DUSP13B: variants seen among roughly 807,000 people sequenced by gnomAD.
DUSP13B encodes the protein dual specificity protein phosphatase 13B.
the DUSP13B span, among the ~76,000 whole-genome samples, chr10:75,108,689 T>C: frequency 4.6e-5 from 7 of 152,246 alleles, no homozygotes; most frequent in African/African-American, 1.7e-4. Context: ...CAGGGGGCTC[T>C]CTGTCTACCT....
chr10:75,108,949 C>T, the DUSP13B span: 40 of 1,536,250 alleles, frequency 2.6e-5, no homozygotes, highest in Non-Finnish European at 3.2e-5. Context: ...TCTGGTAAAG[C>T]GACCAAGAAC....
At chr10:75,104,060 A>C in the DUSP13B span, 1 of 1,361,510 alleles carries the variant, frequency 7.3e-7, no homozygotes. Flanking sequence ...CAGGGTGGCA[A>C]AGTGGCAGAG....
the DUSP13B span, chr10:75,099,627 G>C: frequency 9.4e-7 from 1 of 1,065,948 alleles, no homozygotes. Flanking sequence ...GGGCCCTCCG[G>C]TCCCTCTAAA....
At chr10:75,101,119 G>A in the DUSP13B span, among the ~76,000 whole-genome samples, 1 of 152,192 alleles carries the variant, frequency 6.6e-6, no homozygotes. Context: ...GGTGGCGTGT[G>A]GCTGCCAGTG....
the DUSP13B span, chr10:75,107,887 A>AT: frequency 7.4e-7 from 1 of 1,349,480 alleles, no homozygotes; most frequent in East Asian, 2.5e-5. Context: ...TAAGCAGAGG[A>AT]TTTTTAAAAA....
the DUSP13B span, chr10:75,102,038 T>C: frequency 8.8e-7 from 1 of 1,131,270 alleles, no homozygotes; most frequent in East Asian, 5.1e-5. Flanking sequence ...ACTCCCAACT[T>C]GTCCACTGGT....
At chr10:75,097,683 T>C in the DUSP13B span, 1 of 1,521,254 alleles carries the variant, frequency 6.6e-7, no homozygotes, top group South Asian at 1.3e-5. Flanking sequence ...CCTTCCGCCA[T>C]CCCCACTCCT....
the DUSP13B span, chr10:75,108,223 G>T: frequency 1.3e-6 from 2 of 1,584,156 alleles, no homozygotes; most frequent in South Asian, 2.3e-5. Context: ...GGGAGGGCAG[G>T]AAGGGCACTT....
At chr10:75,105,356 T>C in the DUSP13B span, among the ~76,000 whole-genome samples, 1 of 152,124 alleles carries the variant, frequency 6.6e-6, no homozygotes, top group East Asian at 1.9e-4. Context: ...ATTTTATGCT[T>C]TCCACACCCT....
At chr10:75,107,477 G>C in the DUSP13B span, among the ~76,000 whole-genome samples, 1 of 152,218 alleles carries the variant, frequency 6.6e-6, no homozygotes, top group Non-Finnish European at 1.5e-5. Context: ...TCAGCCTCAG[G>C]GTTGCTCCTA....
the DUSP13B span, chr10:75,095,903 A>G: frequency 9.7e-7 from 1 of 1,033,266 alleles, no homozygotes; most frequent in Non-Finnish European, 1.5e-6. Context: ...CACCAAGGGT[A>G]GAGACAAGAG....
the DUSP13B span, among the ~76,000 whole-genome samples, chr10:75,101,628 CAG>C: frequency 6.6e-6 from 1 of 152,192 alleles, no homozygotes; most frequent in African/African-American, 2.4e-5. Flanking sequence ...AACCGAGACT[CAG>C]AGAGGTTAAG....
the DUSP13B span, chr10:75,103,935 C>T: frequency 1.3e-5 from 17 of 1,318,474 alleles, no homozygotes; most frequent in Non-Finnish European, 1.7e-5. Context: ...GGTGTAGGCG[C>T]CAGGAGGAGC....
chr10:75,099,354 C>T, the DUSP13B span: 11 of 1,232,140 alleles, frequency 8.9e-6, no homozygotes, highest in Admixed American at 1.3e-4. Context: ...TCGGGCAAGG[C>T]GGAAGTGAAG....
the DUSP13B span, among the ~76,000 whole-genome samples, chr10:75,102,231 C>T: frequency 6.6e-6 from 1 of 152,142 alleles, no homozygotes; most frequent in Admixed American, 6.5e-5. Context: ...AATCCCAGCA[C>T]TTTGGGAAAC....
chr10:75,098,309 G>A, the DUSP13B span, among the ~76,000 whole-genome samples: 1 of 152,168 alleles, frequency 6.6e-6, no homozygotes, highest in Non-Finnish European at 1.5e-5. Context: ...CTCATCTCAA[G>A]CCCCCTCACC....
chr10:75,099,510 T>C, the DUSP13B span: 2 of 1,231,676 alleles, frequency 1.6e-6, no homozygotes, highest in African/African-American at 3.1e-5. Context: ...CTGGGCAGGT[T>C]CTGCCCAGAA....
chr10:75,099,104 TG>T, the DUSP13B span: 1 of 1,232,358 alleles, frequency 8.1e-7, no homozygotes, highest in Non-Finnish European at 1.0e-6. Context: ...ATCTGCTGGC[TG>T]AAGGAGTCAG....
At chr10:75,099,156 G>A in the DUSP13B span, 18 of 1,232,190 alleles carry the variant, frequency 1.5e-5, no homozygotes, top group Non-Finnish European at 1.8e-5. Flanking sequence ...CCAGAATATG[G>A]GCCTGGTGCC....
Sources: gnomAD v4.1 joint callset for allele counts (sites outside exome capture counted in the v4.1 genomes callset) on GRCh38, gnomAD v4.1.1 for gene constraint, MANE v1.5 for transcripts, NCBI Gene and HGNC (gene_info 2026-07-23, HGNC 2026-07-21) for gene names.